Variants in DTNA observed in about 807,000 individuals in gnomAD.
The protein encoded by DTNA is dystrophin-related protein 3.
A neutral mutation model predicts 100.7 loss-of-function variants in DTNA; 43 were observed. The observed-to-expected ratio is 0.43, with a 90% CI of 0.33 to 0.55. The LOEUF is 0.55. Among genes scored for constraint, DTNA ranks in the 20% least tolerant of loss-of-function variants. The probability of loss-of-function intolerance (pLI) is 0.04; values close to 1 mark genes in which losing one functional copy is unlikely to be tolerated. For missense variants in DTNA, 798 were observed against 953.9 expected (o/e 0.84, Z 2.15); for synonymous variants, 349 against 347.9 (o/e 1.00, Z -0.04).
chr18:34,640,844 G>T (rs2059194333), intron 1 of DTNA, among the ~76,000 whole-genome samples: 1 of 152,150 alleles, frequency 6.6e-6, no homozygotes, highest in Non-Finnish European at 1.5e-5. Flanking sequence ...AAAAGCAAAG[G>T]TTTGTTTTTT....
intron 1 of DTNA, among the ~76,000 whole-genome samples, chr18:34,638,420 T>A (rs1194930498): frequency 6.6e-6 from 1 of 152,230 alleles, no homozygotes; most frequent in Admixed American, 6.5e-5. Context: ...AATTTACCTG[T>A]CTGGAAAAGG....
rs534442924 is a variant in DTNA at position 34,652,054 on chromosome 18, C to G, written c.-1-103922C>G. On this transcript the variant is annotated intron_variant, in intron 1 of 19. Coordinates refer to the DTNA transcript ENST00000283365. ...GCACTACAGTGTGGGTGACAGATTG[C>G]GACCCTGTCTCAAAAGAAAGAAAAG... is the stretch of plus-strand genomic sequence containing the variant. Among the ~76,000 whole-genome samples the G allele has an allele frequency of 5.3e-5, 8 of 149,856 alleles. No homozygotes were observed. The South Asian group carries it at 8.5e-4, about 16-fold the overall frequency.
At chr18:34,636,932 C>G (rs1250273408) in intron 1 of DTNA, among the ~76,000 whole-genome samples, 1 of 152,074 alleles carries the variant, frequency 6.6e-6, no homozygotes, top group Non-Finnish European at 1.5e-5. Context: ...GATATTGATG[C>G]TCAATGGATG....
At chr18:34,672,919 A>G (rs1336739279) in intron 1 of DTNA, among the ~76,000 whole-genome samples, 7 of 152,038 alleles carry the variant, frequency 4.6e-5, no homozygotes, top group African/African-American at 1.4e-4. Flanking sequence ...TTTCTTCACA[A>G]TTTATTATAT....
chr18:34,736,355 A>C (rs916543063), intron 1 of DTNA, among the ~76,000 whole-genome samples: 3 of 152,206 alleles, frequency 2.0e-5, no homozygotes, highest in Non-Finnish European at 4.4e-5. Context: ...TTATATATGA[A>C]CCATAATTAA....
At chr18:34,687,943 G>A (rs574764917) in intron 1 of DTNA, among the ~76,000 whole-genome samples, 1 of 152,054 alleles carries the variant, frequency 6.6e-6, no homozygotes, top group Non-Finnish European at 1.5e-5. Flanking sequence ...TGTTTTATCA[G>A]AGACGAGGAT....
chr18:34,681,774 A>G (rs1375431893), intron 1 of DTNA, among the ~76,000 whole-genome samples: 1 of 151,648 alleles, frequency 6.6e-6, no homozygotes, highest in Non-Finnish European at 1.5e-5. Context: ...CCAGAATGGT[A>G]TATTTGTGAC....
intron 1 of DTNA, among the ~76,000 whole-genome samples, chr18:34,645,623 C>T (rs1353113475): frequency 1.3e-5 from 2 of 152,072 alleles, no homozygotes; most frequent in African/African-American, 2.4e-5. Context: ...ATACACTACA[C>T]TCACAGGTGG....
chr18:34,634,976 A>G lies in DTNA; in HGVS notation c.-1-121000A>G, dbSNP rs1452842877. Among the ~76,000 whole-genome samples the G allele has an allele frequency of 2.0e-5, 3 of 152,278 alleles. No individual in the cohort carries two copies. In the East Asian group the frequency reaches 5.8e-4, roughly 29 times the overall value. On this transcript the variant is annotated intron_variant, in intron 1 of 19. Transcript: ENST00000283365. ...TGAATAAATCTGGTAACATGTTAGC[A>G]TTATGATTTATTCCTCCTAACTGAA...
intron 1 of DTNA, among the ~76,000 whole-genome samples, chr18:34,577,960 T>C (rs544912101): frequency 1.1e-3 from 162 of 151,890 alleles, no homozygotes; most frequent in African/African-American, 3.8e-3. Flanking sequence ...TATAATGGCT[T>C]TTTTTCCTCT....
chr18:34,794,891 A>G (rs2094904809), intron 4 of DTNA, among the ~76,000 whole-genome samples: 1 of 152,186 alleles, frequency 6.6e-6, no homozygotes, highest in African/African-American at 2.4e-5. Flanking sequence ...CATTTTACAG[A>G]TGAAGGAAAT....
chr18:34,887,686 AG>A (rs2096935297), intron 22 of DTNA, 79 bp from the exon 23 acceptor site: 19 of 977,438 alleles, frequency 1.9e-5, no homozygotes, highest in East Asian at 1.1e-4. Context: ...TATTGGGGAA[AG>A]GGGGGATCCT....
chr18:34,515,848 T>G (rs2041549659), intron 1 of DTNA, among the ~76,000 whole-genome samples: 1 of 152,136 alleles, frequency 6.6e-6, no homozygotes, highest in South Asian at 2.1e-4. Context: ...CCTCTACTTT[T>G]GTCTTAGGAT....
At chr18:34,602,988 G>A (rs2052262508) in intron 1 of DTNA, among the ~76,000 whole-genome samples, 1 of 151,036 alleles carries the variant, frequency 6.6e-6, no homozygotes, top group Non-Finnish European at 1.5e-5. Context: ...GGGCGACAGT[G>A]TGAGACTCCC....
rs546255407 is a variant in DTNA at position 34,578,136 on chromosome 18, G to GT, written c.-2+84632dup. ...GCATCCACACCATAATCTACTATGT[G>GT]TTTTTTTTTTATTTTTTTATTATGG... On this transcript the variant is annotated intron_variant, in intron 1 of 19. Transcript: ENST00000283365. Among the ~76,000 whole-genome samples, 942 of 148,526 alleles carry GT rather than the reference G, an allele frequency of 6.3e-3. 9 individuals are homozygous for GT. The highest frequency in any genetic ancestry group is 0.02 in the African/African-American group (808 of 40,690).
chr18:34,882,230 A>C (rs1390110313), intron 21 of DTNA, 29 bp downstream of exon 21: 1 of 1,611,342 alleles, frequency 6.2e-7, no homozygotes, highest in East Asian at 2.2e-5. Flanking sequence ...ACCCCACCCC[A>C]CCTCTTCTGC....
At chr18:34,602,296 A>G (rs2052032446) in intron 1 of DTNA, among the ~76,000 whole-genome samples, 1 of 152,210 alleles carries the variant, frequency 6.6e-6, no homozygotes, top group East Asian at 1.9e-4. Context: ...CAATAATTTT[A>G]GGAAATATTA....
rs1194175468 is a variant in DTNA at position 34,815,929 on chromosome 18, T to C, written c.624T>C (p.Gly208=). 2 of 1,613,726 alleles carry C rather than the reference T, an allele frequency of 1.2e-6. No individual in the cohort carries two copies. Among genetic ancestry groups the C allele is most frequent in the South Asian group, 1.1e-5 (1 of 91,064 alleles). Residue 208 remains glycine (G), a synonymous_variant, in exon 7 of 23, where the codon GGT becomes GGC. Transcript: ENST00000444659. ...TGCAGAAAAAAGTCACGTTAAATGG[T>C]TTCTTGGACACGCTTATGTCAGATC... is the stretch of plus-strand genomic sequence containing the variant. The part of the protein sequence containing the change: ...FSQQKKVTLN[G]FLDTLMSDPP...
chr18:34,534,859 A>G (rs1003148057), intron 1 of DTNA, among the ~76,000 whole-genome samples: 1 of 152,060 alleles, frequency 6.6e-6, no homozygotes, highest in African/African-American at 2.4e-5. Context: ...TCCATGGTAT[A>G]TATGTGCCAC....
Sources: gnomAD v4.1 joint callset for allele counts (sites outside exome capture counted in the v4.1 genomes callset) on GRCh38, gnomAD v4.1.1 for gene constraint, MANE v1.5 for transcripts, NCBI Gene and HGNC (gene_info 2026-07-23, HGNC 2026-07-21) for gene names.